The following UNC13C variants were observed in gnomAD, a reference collection of about 807,000 sequenced individuals.
UNC13C encodes the protein protein unc-13 homolog C.
A neutral mutation model predicts 245.4 loss-of-function variants in UNC13C; 174 were observed. The ratio of observed to expected loss-of-function variants is 0.71; its 90% CI spans 0.63 to 0.80. The LOEUF is 0.80. UNC13C is among the 30% of genes least tolerant of loss of function. The pLI, the probability that UNC13C is intolerant of heterozygous loss-of-function variation, is 0.00. For synonymous variants in UNC13C, 992 were observed against 895.1 expected (o/e 1.11, Z -1.93); for missense variants, 2,829 against 2,602.9 (o/e 1.09, Z -1.89).
At chr15:53,910,866 C>T in the UNC13C span, 5 of 126,124 alleles carry the variant, frequency 4.0e-5, no homozygotes, top group Admixed American at 4.2e-4. Context: ...CAGACCTCAA[C>T]ATGACCTTTG....
intron 1 of UNC13C, among the ~76,000 whole-genome samples, chr15:54,011,907 T>A (rs1430048505): frequency 6.6e-6 from 1 of 152,202 alleles, no homozygotes; most frequent in Non-Finnish European, 1.5e-5. Context: ...TAGTTTATGA[T>A]GTGTTCTTTA....
chr15:54,175,394 C>T (rs944648531), intron 4 of UNC13C, among the ~76,000 whole-genome samples: 2 of 152,068 alleles, frequency 1.3e-5, no homozygotes, highest in Non-Finnish European at 2.9e-5. Flanking sequence ...TATTTGCCCA[C>T]CATAACTATA....
intron 13 of UNC13C, chr15:54,321,143 G>A: frequency 3.9e-6 from 2 of 517,298 alleles, no homozygotes; most frequent in Admixed American, 3.9e-5. Flanking sequence ...TGCTCTGACA[G>A]GGCTTTTCTT....
chr15:54,431,059 G>A (rs1386458352), intron 19 of UNC13C, among the ~76,000 whole-genome samples: 3 of 151,768 alleles, frequency 2.0e-5, no homozygotes, highest in African/African-American at 7.3e-5. Flanking sequence ...AAAGTAATTT[G>A]TTAAGTCACT....
chr15:54,400,091 T>C (rs1188049953), intron 18 of UNC13C, among the ~76,000 whole-genome samples: 2 of 151,982 alleles, frequency 1.3e-5, no homozygotes, highest in African/African-American at 2.4e-5. Context: ...GGCTGAGTTA[T>C]CTTAAACAAA....
At chr15:54,122,416 G>T (rs993122937) in intron 2 of UNC13C, among the ~76,000 whole-genome samples, 2 of 151,802 alleles carry the variant, frequency 1.3e-5, no homozygotes, top group African/African-American at 4.8e-5. Flanking sequence ...ATAATTTTAG[G>T]TTTCTTTTTT....
intron 19 of UNC13C, among the ~76,000 whole-genome samples, chr15:54,490,025 C>G (rs1171415972): frequency 6.6e-6 from 1 of 152,154 alleles, no homozygotes; most frequent in Non-Finnish European, 1.5e-5. Context: ...TCCCCTGTTT[C>G]TGTCCACGGA....
the UNC13C span, among the ~76,000 whole-genome samples, chr15:53,957,645 C>A: frequency 7.3e-3 from 1,109 of 152,232 alleles, 14 homozygotes; most frequent in African/African-American, 0.026. Flanking sequence ...TGTTTTATAG[C>A]CCAGAAATTC....
chr15:54,433,533 C>T (rs181629155), intron 19 of UNC13C, among the ~76,000 whole-genome samples: 8 of 151,898 alleles, frequency 5.3e-5, no homozygotes, highest in African/African-American at 1.7e-4. Flanking sequence ...AAATTCAATA[C>T]CCCTTCATGC....
chr15:54,003,039 A>C (rs1203717224), intron 1 of UNC13C, among the ~76,000 whole-genome samples: 1 of 152,160 alleles, frequency 6.6e-6, no homozygotes, highest in Non-Finnish European at 1.5e-5. Context: ...AGTGCTGTTC[A>C]AACTGCACTC....
chr15:54,528,434 T>C (rs938063008), intron 25 of UNC13C, among the ~76,000 whole-genome samples: 2 of 152,136 alleles, frequency 1.3e-5, no homozygotes, highest in Non-Finnish European at 1.5e-5. Context: ...GTGTGGCTCC[T>C]TGGGTGCTCC....
chr15:54,265,316 G>A, intron 9 of UNC13C, 39 bp from the exon 10 acceptor site: 7 of 1,357,472 alleles, frequency 5.2e-6, no homozygotes, highest in Non-Finnish European at 6.7e-6. Flanking sequence ...TGTTTCTGAG[G>A]ACTCTGTATG....
At chr15:53,991,181 A>G (rs1894370473) in intron 1 of UNC13C, among the ~76,000 whole-genome samples, 1 of 151,928 alleles carries the variant, frequency 6.6e-6, no homozygotes, top group Non-Finnish European at 1.5e-5. Context: ...TATGCCTTAG[A>G]AGGGTATATA....
chr15:54,496,894 A>C (rs1893974209), intron 20 of UNC13C, among the ~76,000 whole-genome samples: 1 of 152,116 alleles, frequency 6.6e-6, no homozygotes, highest in South Asian at 2.1e-4. Context: ...TGGGTGCACC[A>C]AAATCTCAGA....
At chr15:54,275,838 TAAAACTG>T (rs2036817843) in intron 10 of UNC13C, among the ~76,000 whole-genome samples, 1 of 152,100 alleles carries the variant, frequency 6.6e-6, no homozygotes, top group African/African-American at 2.4e-5. Context: ...TATAATAACT[TAAAACTG>T]AAAACAACCC....
rs1361335398 is a variant in UNC13C, at chr15:54,449,819, G to C, written c.4933+34752G>C. ...AGCTTTGTTCCACTGCTGGTGAGGA[G>C]CTGCATTCCTTTGGAGGAGGAGAGG... On this transcript the variant is annotated intron_variant, in intron 19 of 32. Coordinates refer to ENST00000260323, the MANE Select transcript of UNC13C (RefSeq NM_001080534.3). 2.0e-5 allele frequency among the ~76,000 whole-genome samples: 3 copies of C among 152,200 alleles called. No individual in the cohort carries two copies. The East Asian group carries it at 5.8e-4, about 29-fold the overall frequency.
chr15:54,384,659 A>G (rs2039798413), intron 17 of UNC13C, among the ~76,000 whole-genome samples: 1 of 152,096 alleles, frequency 6.6e-6, no homozygotes, highest in Non-Finnish European at 1.5e-5. Flanking sequence ...AAAATAGACT[A>G]TTGAGACCAT....
intron 8 of UNC13C, among the ~76,000 whole-genome samples, chr15:54,252,569 A>G (rs1246686036): frequency 2.0e-5 from 3 of 152,270 alleles, no homozygotes; most frequent in Non-Finnish European, 2.9e-5. Flanking sequence ...ATAACTTTCC[A>G]TGATAACTAT....
chr15:53,982,165 C>T (rs528096508), intron 1 of UNC13C, among the ~76,000 whole-genome samples: 9 of 152,248 alleles, frequency 5.9e-5, no homozygotes, highest in African/African-American at 2.2e-4. Flanking sequence ...ACAATCCCAT[C>T]TTCAGCCTGT....
Sources: gnomAD v4.1 joint callset for allele counts (sites outside exome capture counted in the v4.1 genomes callset) on GRCh38, gnomAD v4.1.1 for gene constraint, MANE v1.5 for transcripts, NCBI Gene and HGNC (gene_info 2026-07-23, HGNC 2026-07-21) for gene names.